The following SLC14A2 variants were observed in gnomAD, a reference collection of about 807,000 sequenced individuals.
SLC14A2 encodes the protein urea transporter 2.
SLC14A2 carries 91 observed loss-of-function variants against 104.6 expected under a neutral mutation model. The observed-to-expected ratio is 0.87, with a 90% CI of 0.73 to 1.04. The LOEUF (loss-of-function observed/expected upper bound fraction) is 1.04, where lower values mean the gene tolerates loss of function less well. Among genes scored for constraint, SLC14A2 ranks in the 50% least tolerant of loss-of-function variants. The probability of loss-of-function intolerance (pLI) is 0.00; values close to 1 mark genes in which losing one functional copy is unlikely to be tolerated. For synonymous variants in SLC14A2, 476 were observed against 466.4 expected, an observed-to-expected ratio of 1.02 and a Z score of -0.27; for missense variants, 1,189 against 1,156.0, an observed-to-expected ratio of 1.03 and a Z score of -0.41.
chr18:45,527,435 T>G (rs1568260147), intron 2 of SLC14A2, among the ~76,000 whole-genome samples: 1 of 152,194 alleles, frequency 6.6e-6, no homozygotes, highest in Non-Finnish European at 1.5e-5. Context: ...GAAAACAGCT[T>G]AAGATAAAAG....
intron 1 of SLC14A2, among the ~76,000 whole-genome samples, chr18:45,234,793 T>A (rs561182091): frequency 1.3e-5 from 2 of 152,308 alleles, no homozygotes; most frequent in South Asian, 2.1e-4. Context: ...CTATTTCTAA[T>A]GGGATGAATT....
intron 1 of SLC14A2, among the ~76,000 whole-genome samples, chr18:45,463,470 C>T (rs538943086): frequency 1.3e-4 from 20 of 152,268 alleles, no homozygotes; most frequent in African/African-American, 4.1e-4. Context: ...TGTAGATGCT[C>T]GATAAATGAC....
intron 1 of SLC14A2, among the ~76,000 whole-genome samples, chr18:45,404,320 G>C (rs2086129877): frequency 6.6e-6 from 1 of 152,146 alleles, no homozygotes; most frequent in African/African-American, 2.4e-5. Context: ...TTATGTAATA[G>C]TAAGGCTATA....
At chr18:45,612,530 G>T (rs1033246092), upstream of SLC14A2, among the ~76,000 whole-genome samples, 1 of 152,208 alleles carries the variant, frequency 6.6e-6, no homozygotes, top group Non-Finnish European at 1.5e-5. Flanking sequence ...CTTAATATGT[G>T]CTAGGCACTG....
the SLC14A2 span, among the ~76,000 whole-genome samples, chr18:45,172,616 G>A: frequency 6.6e-6 from 1 of 152,072 alleles, no homozygotes; most frequent in Non-Finnish European, 1.5e-5. Context: ...GAGGAGAGGT[G>A]ATGTTTAGAA....
chr18:45,496,393 G>A (rs117241639), intron 2 of SLC14A2, among the ~76,000 whole-genome samples: 14,797 of 152,156 alleles, frequency 0.097, 889 homozygotes, highest in Non-Finnish European at 0.14. Context: ...TCAGTGGACC[G>A]GGAGAGGAAG....
chr18:45,226,315 CT>C (rs2084116064), intron 1 of SLC14A2, among the ~76,000 whole-genome samples: 1 of 152,172 alleles, frequency 6.6e-6, no homozygotes, highest in Admixed American at 6.5e-5. Flanking sequence ...CATCCCATTA[CT>C]GGGTATATAC....
At chr18:45,331,309 A>G (rs959206634) in intron 1 of SLC14A2, among the ~76,000 whole-genome samples, 2 of 152,242 alleles carry the variant, frequency 1.3e-5, no homozygotes, top group African/African-American at 2.4e-5. Flanking sequence ...AATTTTGACA[A>G]GCAGCATGGA....
chr18:45,440,148 G>C (rs937698763), intron 1 of SLC14A2, among the ~76,000 whole-genome samples: 10 of 152,038 alleles, frequency 6.6e-5, no homozygotes, highest in African/African-American at 2.2e-4. Flanking sequence ...TATGAATATG[G>C]GCCACCTCTG....
rs1296964191 is a variant in SLC14A2, at chr18:45,663,884, C to T, written c.1451C>T (p.Ser484Leu). ...AGGAGTGTATTTCACATCGAGTGGT[C>T]ATCCATTCGGAGGAGGAGCAAAGGT... is the stretch of plus-strand genomic sequence containing the variant. ...KHRSVFHIEWSSIRRRSKVFG... is the reference protein window; with the variant it reads ...KHRSVFHIEWLSIRRRSKVFG... Residue 484 changes from serine to leucine, a missense_variant, in exon 11 of 20, where the codon TCA becomes TTA. Coordinates refer to ENST00000255226, the MANE Select transcript of SLC14A2 (RefSeq NM_007163.4). The T allele has an allele frequency of 6.2e-7, 1 of 1,613,146 alleles. No homozygotes were observed. The highest frequency in any genetic ancestry group is 8.5e-7 in the Non-Finnish European group (1 of 1,179,730).
At chr18:45,500,056 ATATAAT>A (rs943663072) in intron 2 of SLC14A2, among the ~76,000 whole-genome samples, 8 of 152,220 alleles carry the variant, frequency 5.3e-5, no homozygotes, top group African/African-American at 1.4e-4. Flanking sequence ...ATCATGGATA[ATATAAT>A]TATAAGAAGC....
intron 1 of SLC14A2, among the ~76,000 whole-genome samples, chr18:45,268,381 T>A (rs2084614179): frequency 1.3e-5 from 2 of 152,194 alleles, no homozygotes; most frequent in South Asian, 4.1e-4. Flanking sequence ...TGCTGAGAAC[T>A]AATACATATA....
At chr18:45,559,027 G>A (rs1280392642) in intron 2 of SLC14A2, among the ~76,000 whole-genome samples, 1 of 152,078 alleles carries the variant, frequency 6.6e-6, no homozygotes. Flanking sequence ...CTGGCCTCGT[G>A]GTCCGCCCGC....
At position 45,639,756 on chromosome 18, in the gene SLC14A2, C is replaced by A. The variant is rs1291010345; in HGVS notation, c.854C>A (p.Ala285Asp). The change falls in exon 7 of 20, where the codon GCC (alanine) becomes GAC (aspartate). Residue 285 changes from alanine (A) to aspartate (D), a missense_variant. Ala to Asp is a moderately radical substitution (Grantham distance 126, BLOSUM62 -2). Transcript: ENST00000255226. The stretch of plus-strand genomic sequence containing the variant: ...CTGTTAACTTTGCAGCTGTTACAAG[C>A]CATCCCTGTTGGGGTCGGCCAGGTG... ...TEMEMPLLLQ[A>D]IPVGVGQVYG... 1.9e-6 allele frequency: 3 copies of A among 1,613,694 alleles called. No homozygotes were observed. Among genetic ancestry groups the A allele is most frequent in the African/African-American group, 1.3e-5 (1 of 74,926 alleles).
At chr18:45,499,996 G>C (rs1390757346) in intron 2 of SLC14A2, among the ~76,000 whole-genome samples, 7 of 152,180 alleles carry the variant, frequency 4.6e-5, no homozygotes, top group African/African-American at 1.4e-4. Flanking sequence ...CCTGACGATA[G>C]AGCATTCCTA....
intron 1 of SLC14A2, among the ~76,000 whole-genome samples, chr18:45,218,471 G>A (rs537577953): frequency 6.6e-6 from 1 of 152,142 alleles, no homozygotes. Context: ...ATGCATGCTA[G>A]TATTTTTGGT....
At chr18:45,608,717 C>T (rs982792119) in intron 2 of SLC14A2, among the ~76,000 whole-genome samples, 2 of 152,220 alleles carry the variant, frequency 1.3e-5, no homozygotes, top group Non-Finnish European at 2.9e-5. Flanking sequence ...TTGGCAAATG[C>T]CTTCCAGCCA....
At chr18:45,382,471 T>G (rs2085849756) in intron 1 of SLC14A2, among the ~76,000 whole-genome samples, 1 of 152,210 alleles carries the variant, frequency 6.6e-6, no homozygotes, top group Non-Finnish European at 1.5e-5. Flanking sequence ...TTAGTCTCCA[T>G]GACTTGGTCT....
chr18:45,510,797 C>T (rs1201009671), intron 2 of SLC14A2, among the ~76,000 whole-genome samples: 1 of 152,166 alleles, frequency 6.6e-6, no homozygotes, highest in Non-Finnish European at 1.5e-5. Context: ...CACAGCAGAG[C>T]AGCATTTCCA....
Sources: allele counts gnomAD v4.1 joint callset (sites outside exome capture counted in the v4.1 genomes callset), GRCh38; gene constraint gnomAD v4.1.1; transcripts MANE v1.5; gene names NCBI Gene and HGNC (gene_info 2026-07-23, HGNC 2026-07-21).